WWC2: variants seen among roughly 807,000 people sequenced by gnomAD.
WWC2 encodes WW and C2 domain containing 2, also known as protein WWC2.
Under a neutral mutation model 138.5 loss-of-function variants are expected in WWC2, and 101 were observed. The ratio of observed to expected loss-of-function variants is 0.73; its 90% confidence interval spans 0.62 to 0.86. The LOEUF (loss-of-function observed/expected upper bound fraction) is 0.86, where lower values mean the gene tolerates loss of function less well. Among genes scored for constraint, WWC2 ranks in the 40% least tolerant of loss-of-function variants. The pLI is 0.00. For missense variants in WWC2, 1,420 were observed against 1,419.4 expected, an observed-to-expected ratio of 1.00 and a Z score of -0.01; for synonymous variants, 558 against 538.4, an observed-to-expected ratio of 1.04 and a Z score of -0.50.
intron 20 of WWC2, among the ~76,000 whole-genome samples, chr4:183,287,889 T>C (rs977389517): frequency 2.6e-5 from 4 of 152,130 alleles, no homozygotes; most frequent in African/African-American, 9.7e-5. Context: ...ATGGTGATGG[T>C]AGGAGTATTT....
rs183869393 is a variant in WWC2, at chr4:183,271,697, A to G, written c.2562+456A>G. Among the ~76,000 whole-genome samples, 708 of 152,230 alleles carry G rather than the reference A, an allele frequency of 4.7e-3. 4 individuals are homozygous for G. The highest frequency in any genetic ancestry group is 0.016 in the African/African-American group (677 of 41,532). ...ATTTGTAACATCAATAGCCATAAGT[A>G]TTTTCTATTAAATAGTTTTGTGAAG... is the stretch of plus-strand genomic sequence containing the variant. On this transcript the variant is annotated intron_variant, in intron 16 of 22. Transcript: ENST00000403733.
At chr4:183,238,079 C>T (rs531084019) in intron 4 of WWC2, among the ~76,000 whole-genome samples, 5 of 152,320 alleles carry the variant, frequency 3.3e-5, no homozygotes, top group Middle Eastern at 6.8e-3. Flanking sequence ...CTAGTCCAGA[C>T]ACTTCTGAAC....
intron 1 of WWC2, among the ~76,000 whole-genome samples, chr4:183,175,422 C>T (rs1273956270): frequency 1.3e-5 from 2 of 151,948 alleles, no homozygotes; most frequent in African/African-American, 2.4e-5. Flanking sequence ...CCACCACACC[C>T]GGTTAATTTT....
chr4:183,269,044 A>G lies in WWC2; in HGVS notation c.2281A>G (p.Thr761Ala). The change falls in exon 15 of 23, where the codon ACA becomes GCA. Residue 761 changes from threonine to alanine, a missense_variant. Physicochemically the swap from Thr to Ala is moderately conservative, Grantham distance 58. Coordinates refer to ENST00000403733, the MANE Select transcript of WWC2 (RefSeq NM_024949.6). The part of the protein sequence containing the change: ...CLFRTKVHPP[T>A]ESILFNDVFR... ...GTTTCGCACAAAAGTTCATCCGCCC[A>G]CAGAATCCATTTTATTCAATGATGT... 3.1e-6 allele frequency: 5 copies of G among 1,613,862 alleles called. No individual in the cohort carries two copies. Among genetic ancestry groups the G allele is most frequent in the Non-Finnish European group, 4.2e-6 (5 of 1,179,858 alleles).
At chr4:183,191,399 T>C (rs140588494) in intron 1 of WWC2, among the ~76,000 whole-genome samples, 1 of 152,208 alleles carries the variant, frequency 6.6e-6, no homozygotes, top group African/African-American at 2.4e-5. Flanking sequence ...CTAACATATA[T>C]TGAAGCTTAC....
At chr4:183,136,648 C>T (rs540557951) in intron 1 of WWC2, among the ~76,000 whole-genome samples, 5 of 152,286 alleles carry the variant, frequency 3.3e-5, no homozygotes, top group Middle Eastern at 3.4e-3. Flanking sequence ...CCGTGGCCTG[C>T]GAACCGCATG....
chr4:183,306,829 G>GATA (rs1335308657), intron 21 of WWC2, among the ~76,000 whole-genome samples: 2 of 128,590 alleles, frequency 1.6e-5, no homozygotes, highest in African/African-American at 2.9e-5. Flanking sequence ...GCCCGACCAG[G>GATA]ATAACAATTC....
chr4:183,118,098 G>A (rs561918390), intron 1 of WWC2, among the ~76,000 whole-genome samples: 104 of 152,210 alleles, frequency 6.8e-4, no homozygotes, highest in African/African-American at 1.4e-3. Context: ...GCGCCTGGCC[G>A]GTTATGGATA....
chr4:183,135,529 T>A (rs1478048278), intron 1 of WWC2, among the ~76,000 whole-genome samples: 1 of 151,916 alleles, frequency 6.6e-6, no homozygotes, highest in African/African-American at 2.4e-5. Context: ...ATGCTACTTT[T>A]GTTCAGTACT....
At chr4:183,292,709 A>T (rs1738496555) in intron 21 of WWC2, among the ~76,000 whole-genome samples, 1 of 152,206 alleles carries the variant, frequency 6.6e-6, no homozygotes, top group South Asian at 2.1e-4. Context: ...AAAAGAAATT[A>T]CCTCAATTTT....
chr4:183,305,234 A>T (rs1371642206), intron 21 of WWC2, among the ~76,000 whole-genome samples: 1 of 151,572 alleles, frequency 6.6e-6, no homozygotes, highest in Non-Finnish European at 1.5e-5. Flanking sequence ...GAGACTGGAG[A>T]AAAAAAAAGG....
intron 1 of WWC2, among the ~76,000 whole-genome samples, chr4:183,171,966 A>G (rs1299127000): frequency 3.3e-5 from 5 of 152,214 alleles, no homozygotes; most frequent in African/African-American, 1.2e-4. Context: ...GTACATTTTT[A>G]TGACTATGTA....
Position 183,208,161 on chromosome 4 carries a change from G to A in WWC2, c.445+5G>A, listed in dbSNP as rs1489919072. Reference sequence around the variant, plus strand: ...AGTCAAGTTCTCACACAAGCTGTAAGTACAGTGTGGCTATTCAGACTTTGG... The same window carrying A: ...AGTCAAGTTCTCACACAAGCTGTAAATACAGTGTGGCTATTCAGACTTTGG... On this transcript the variant is annotated splice_donor_5th_base_variant and intron_variant, in intron 3 of 22. Transcript: ENST00000403733. The A allele has an allele frequency of 1.2e-6, 2 of 1,613,274 alleles. No individual in the cohort carries two copies. The highest frequency in any genetic ancestry group is 1.3e-5 in the African/African-American group (1 of 75,042).
chr4:183,199,765 A>G (rs1395128344), intron 2 of WWC2, among the ~76,000 whole-genome samples: 3 of 152,156 alleles, frequency 2.0e-5, no homozygotes, highest in Admixed American at 6.5e-5. Context: ...TTCTCTACCT[A>G]TAAAGTTTCA....
chr4:183,149,553 C>T (rs980649667), intron 1 of WWC2, among the ~76,000 whole-genome samples: 3 of 150,026 alleles, frequency 2.0e-5, no homozygotes, highest in Non-Finnish European at 4.4e-5. Flanking sequence ...ACCTGGGAGG[C>T]GGAGGTTGCG....
At chr4:183,129,335 C>G (rs1310305021) in intron 1 of WWC2, among the ~76,000 whole-genome samples, 1 of 152,112 alleles carries the variant, frequency 6.6e-6, no homozygotes, top group Non-Finnish European at 1.5e-5. Flanking sequence ...CAAACCAGGG[C>G]TCTTTGAGAC....
At chr4:183,252,752 TG>T (rs1737017796) in intron 8 of WWC2, among the ~76,000 whole-genome samples, 2 of 152,140 alleles carry the variant, frequency 1.3e-5, no homozygotes, top group Non-Finnish European at 2.9e-5. Flanking sequence ...GCTCAGTAAA[TG>T]GCTTGTACAC....
rs535422705 is a variant in WWC2, at chr4:183,255,628, A to G, written c.1196+1629A>G. Among the ~76,000 whole-genome samples the G allele has an allele frequency of 1.2e-3, 180 of 152,282 alleles. 1 individual carries two copies. The highest frequency in any genetic ancestry group is 4.2e-3 in the African/African-American group (175 of 41,536). ...TAGTAGGTGAATCTAGGAAGGACTTACAAACAGATTTGTTCTGGCAGAGAA... is the reference window on the plus strand; with the variant it reads ...TAGTAGGTGAATCTAGGAAGGACTTGCAAACAGATTTGTTCTGGCAGAGAA... On this transcript the variant is annotated intron_variant, in intron 9 of 22. Transcript: ENST00000403733.
intron 1 of WWC2, among the ~76,000 whole-genome samples, chr4:183,135,376 T>C (rs1733077363): frequency 6.6e-6 from 1 of 152,110 alleles, no homozygotes; most frequent in South Asian, 2.1e-4. Context: ...AGCTTAGAGG[T>C]TTGCTTTTTT....
Sources: gnomAD v4.1 joint callset for allele counts (sites outside exome capture counted in the v4.1 genomes callset) on GRCh38, gnomAD v4.1.1 for gene constraint, MANE v1.5 for transcripts, NCBI Gene and HGNC (gene_info 2026-07-23, HGNC 2026-07-21) for gene names.